Variants in KCNAB1 observed in about 807,000 individuals in gnomAD.
KCNAB1 encodes the protein voltage-gated potassium channel subunit beta-1.
KCNAB1 carries 35 observed loss-of-function variants against 64.6 expected under a neutral mutation model. The observed-to-expected ratio is 0.54, with a 90% confidence interval of 0.41 to 0.72. The LOEUF is 0.72. Among genes scored for constraint, KCNAB1 ranks in the 30% least tolerant of loss-of-function variants. The probability of loss-of-function intolerance (pLI) is 0.00; values close to 1 mark genes in which losing one functional copy is unlikely to be tolerated. For missense variants in KCNAB1, 401 were observed against 512.9 expected (o/e 0.78, Z 2.11); for synonymous variants, 177 against 183.8 (o/e 0.96, Z 0.30).
At position 156,146,459 on chromosome 3, in the gene KCNAB1, A is replaced by G. The variant is rs555085731; in HGVS notation, c.275+25573A>G. The stretch of plus-strand genomic sequence containing the variant: ...ACACTGAGGAGTAGTTTTATGAGAA[A>G]AACACCAAAAATATCTAGACTGAGT... On this transcript the variant is annotated intron_variant, in intron 1 of 13. Transcript: ENST00000490337. 9.9e-5 allele frequency among the ~76,000 whole-genome samples: 15 copies of G among 152,280 alleles called. No homozygotes were observed. The South Asian group carries it at 2.7e-3, about 27-fold the overall frequency.
intron 1 of KCNAB1, among the ~76,000 whole-genome samples, chr3:156,213,569 C>T (rs1488815722): frequency 2.6e-5 from 4 of 152,104 alleles, no homozygotes; most frequent in Middle Eastern, 3.2e-3. Flanking sequence ...GCCAAGGCCA[C>T]GACACACCCA....
chr3:156,476,594 CAT>C (rs1355847624), intron 8 of KCNAB1, among the ~76,000 whole-genome samples: 6 of 150,256 alleles, frequency 4.0e-5, no homozygotes, highest in African/African-American at 1.2e-4. Flanking sequence ...TACACACACA[CAT>C]ATATATATAT....
At chr3:156,455,490 G>A (rs1444646251) in intron 3 of KCNAB1, among the ~76,000 whole-genome samples, 1 of 152,150 alleles carries the variant, frequency 6.6e-6, no homozygotes, top group Non-Finnish European at 1.5e-5. Flanking sequence ...TTACTGATAT[G>A]AATAATTATT....
At chr3:156,382,067 T>C (rs7631581) in intron 1 of KCNAB1, 44,408 of 151,974 alleles carry the variant, frequency 0.29, 8,874 homozygotes, top group African/African-American at 0.57. Context: ...GGCCACACAA[T>C]TCATCTGTAA....
chr3:156,474,885 C>A, intron 8 of KCNAB1, 65 bp downstream of exon 8: 1 of 1,182,820 alleles, frequency 8.5e-7, no homozygotes, highest in Non-Finnish European at 1.3e-6. Flanking sequence ...TTATTCTGCT[C>A]ACAGCAGGAA....
chr3:156,119,452 A>C (rs1713223226), upstream of KCNAB1, among the ~76,000 whole-genome samples: 1 of 152,216 alleles, frequency 6.6e-6, no homozygotes, highest in Non-Finnish European at 1.5e-5. Flanking sequence ...CTCTTTAAGA[A>C]GGCATGCTTC....
chr3:156,262,692 G>A (rs573101841), intron 1 of KCNAB1, among the ~76,000 whole-genome samples: 2 of 151,896 alleles, frequency 1.3e-5, no homozygotes, highest in Admixed American at 1.3e-4. Context: ...TTAAAGAAGA[G>A]GTGAGAATTG....
intron 1 of KCNAB1, among the ~76,000 whole-genome samples, chr3:156,128,520 T>G (rs1713799583): frequency 6.6e-6 from 1 of 152,224 alleles, no homozygotes; most frequent in African/African-American, 2.4e-5. Context: ...ATACCTACAA[T>G]TTGTAGTATC....
At chr3:156,314,854 A>C (rs1416409208) in intron 1 of KCNAB1, among the ~76,000 whole-genome samples, 1 of 152,152 alleles carries the variant, frequency 6.6e-6, no homozygotes, top group African/African-American at 2.4e-5. Context: ...TCTCTACTGA[A>C]AATACAAAAA....
intron 1 of KCNAB1, among the ~76,000 whole-genome samples, chr3:156,180,856 T>C (rs977730878): frequency 5.3e-5 from 8 of 152,220 alleles, no homozygotes. Flanking sequence ...GCCTTGAAGA[T>C]GTACATTAGT....
intron 8 of KCNAB1, among the ~76,000 whole-genome samples, chr3:156,501,863 G>T (rs1458026790): frequency 2.6e-5 from 4 of 152,242 alleles, no homozygotes; most frequent in African/African-American, 9.6e-5. Flanking sequence ...TCAGAATCAT[G>T]GTGGGAGGTG....
intron 8 of KCNAB1, among the ~76,000 whole-genome samples, chr3:156,483,852 A>G (rs1715009974): frequency 6.6e-6 from 1 of 152,140 alleles, no homozygotes; most frequent in African/African-American, 2.4e-5. Context: ...TTAACAAATG[A>G]TCTTTTCCAA....
chr3:156,222,487 C>A (rs1238604008), intron 1 of KCNAB1, among the ~76,000 whole-genome samples: 1 of 152,132 alleles, frequency 6.6e-6, no homozygotes, highest in Admixed American at 6.5e-5. Flanking sequence ...GTGGGGGACT[C>A]TAACACTCCA....
At chr3:156,274,154 T>C (rs1276049192) in intron 1 of KCNAB1, among the ~76,000 whole-genome samples, 2 of 152,136 alleles carry the variant, frequency 1.3e-5, no homozygotes, top group Admixed American at 6.5e-5. Context: ...AAGCATGGGG[T>C]AACTGATACA....
chr3:156,479,811 C>T (rs1439883695), intron 8 of KCNAB1, among the ~76,000 whole-genome samples: 1 of 152,014 alleles, frequency 6.6e-6, no homozygotes, highest in African/African-American at 2.4e-5. Context: ...CATAAAGCAG[C>T]CCAGATGTCT....
chr3:156,218,960 C>T (rs943380284), intron 1 of KCNAB1, among the ~76,000 whole-genome samples: 7 of 151,866 alleles, frequency 4.6e-5, no homozygotes, highest in East Asian at 1.9e-4. Context: ...ACCTGAACAG[C>T]AGCCCTTGAT....
At chr3:156,436,311 T>G (rs769527524) in intron 2 of KCNAB1, among the ~76,000 whole-genome samples, 1 of 152,248 alleles carries the variant, frequency 6.6e-6, no homozygotes, top group Non-Finnish European at 1.5e-5. Context: ...TTATCCAGTC[T>G]ATCGTTGATG....
chr3:156,119,309 A>T (rs550634217), upstream of KCNAB1, among the ~76,000 whole-genome samples: 1 of 152,316 alleles, frequency 6.6e-6, no homozygotes, highest in Admixed American at 6.5e-5. Flanking sequence ...GACCGAGGTG[A>T]CCACATTAGT....
intron 8 of KCNAB1, among the ~76,000 whole-genome samples, chr3:156,481,876 G>A (rs1714835680): frequency 6.6e-6 from 1 of 152,154 alleles, no homozygotes; most frequent in South Asian, 2.1e-4. Flanking sequence ...TGTGGTTACA[G>A]CACCTCACTC....
Sources: allele counts gnomAD v4.1 joint callset (sites outside exome capture counted in the v4.1 genomes callset), GRCh38; gene constraint gnomAD v4.1.1; transcripts MANE v1.5; gene names NCBI Gene and HGNC (gene_info 2026-07-23, HGNC 2026-07-21).